DIAPH3: variants seen among roughly 807,000 people sequenced by gnomAD.
DIAPH3 encodes the protein diaphanous related formin 3.
Under a neutral mutation model 144.3 loss-of-function variants are expected in DIAPH3, and 117 were observed. The observed-to-expected ratio is 0.81, with a 90% CI of 0.70 to 0.95. DIAPH3 has a LOEUF of 0.95. Among genes scored for constraint, DIAPH3 ranks in the 40% least tolerant of loss-of-function variants. The pLI, the probability that DIAPH3 is intolerant of heterozygous loss-of-function variation, is 0.00. For synonymous variants in DIAPH3, 519 were observed against 488.9 expected (o/e 1.06, Z -0.81); for missense variants, 1,421 against 1,412.7 (o/e 1.01, Z -0.09).
At chr13:59,961,302 A>C (rs1193918988) in intron 17 of DIAPH3, among the ~76,000 whole-genome samples, 1 of 152,204 alleles carries the variant, frequency 6.6e-6, no homozygotes, top group Non-Finnish European at 1.5e-5. Context: ...TGCATTATAT[A>C]ATCCTCACAA....
intron 27 of DIAPH3, among the ~76,000 whole-genome samples, chr13:59,749,046 T>G (rs1329271840): frequency 1.3e-5 from 2 of 151,510 alleles, no homozygotes; most frequent in Non-Finnish European, 2.9e-5. Context: ...AAGCCCCGTC[T>G]CTACTGAGAG....
At chr13:60,106,642 A>T (rs1040849309) in intron 3 of DIAPH3, among the ~76,000 whole-genome samples, 15 of 152,152 alleles carry the variant, frequency 9.9e-5, no homozygotes, top group Admixed American at 2.6e-4. Flanking sequence ...CATGAGTATT[A>T]TTCTGGCTAT....
intron 24 of DIAPH3, among the ~76,000 whole-genome samples, chr13:59,831,939 C>CT (rs1053116248): frequency 1.3e-5 from 2 of 151,752 alleles, no homozygotes; most frequent in African/African-American, 4.8e-5. Flanking sequence ...ATTCACATTA[C>CT]TTTTTTAAAA....
chr13:59,682,660 T>A (rs1206800622), intron 27 of DIAPH3, among the ~76,000 whole-genome samples: 1 of 152,124 alleles, frequency 6.6e-6, no homozygotes, highest in Non-Finnish European at 1.5e-5. Flanking sequence ...AAACTCTATA[T>A]ATAATACTGC....
At chr13:59,956,127 T>C (rs994063264) in intron 17 of DIAPH3, among the ~76,000 whole-genome samples, 3 of 152,162 alleles carry the variant, frequency 2.0e-5, no homozygotes, top group Non-Finnish European at 2.9e-5. Flanking sequence ...GATGATACAA[T>C]AGAAAAGAAA....
intron 27 of DIAPH3, among the ~76,000 whole-genome samples, chr13:59,684,893 T>C (rs1028240250): frequency 1.3e-5 from 2 of 152,128 alleles, no homozygotes; most frequent in African/African-American, 2.4e-5. Context: ...ATAAATCCTA[T>C]GATGTGTATT....
chr13:59,903,793 T>C (rs2046581811), intron 20 of DIAPH3, among the ~76,000 whole-genome samples: 1 of 152,210 alleles, frequency 6.6e-6, no homozygotes, highest in Non-Finnish European at 1.5e-5. Flanking sequence ...CTATACTTTT[T>C]CCATCCTTTC....
chr13:60,127,563 C>T (rs1030179498), intron 2 of DIAPH3, among the ~76,000 whole-genome samples: 6 of 151,932 alleles, frequency 3.9e-5, no homozygotes, highest in South Asian at 2.1e-4. Context: ...TAATAATAGC[C>T]GAAAACTGGA....
chr13:59,688,674 A>C (rs2033343426), intron 27 of DIAPH3, among the ~76,000 whole-genome samples: 1 of 152,072 alleles, frequency 6.6e-6, no homozygotes, highest in Non-Finnish European at 1.5e-5. Flanking sequence ...AGTGAGGTCC[A>C]CCTAGAGATA....
intron 24 of DIAPH3, among the ~76,000 whole-genome samples, chr13:59,826,363 C>CA (rs1197441867): frequency 1.4e-5 from 2 of 140,012 alleles, no homozygotes; most frequent in East Asian, 2.1e-4. Context: ...GTACAAAAAT[C>CA]ACAAGCATTC....
At chr13:59,764,051 C>T (rs1371576512) in intron 27 of DIAPH3, among the ~76,000 whole-genome samples, 1 of 151,758 alleles carries the variant, frequency 6.6e-6, no homozygotes, top group Non-Finnish European at 1.5e-5. Flanking sequence ...CTTCTGTATG[C>T]TAAGAACTAA....
chr13:59,735,382 T>C (rs572572151), intron 27 of DIAPH3, among the ~76,000 whole-genome samples: 34 of 152,184 alleles, frequency 2.2e-4, no homozygotes, highest in Non-Finnish European at 3.8e-4. Flanking sequence ...ATTTTGAAAG[T>C]CCGTAACACC....
At chr13:59,750,333 G>T (rs937373670) in intron 27 of DIAPH3, among the ~76,000 whole-genome samples, 1 of 151,986 alleles carries the variant, frequency 6.6e-6, no homozygotes, top group East Asian at 1.9e-4. Context: ...ACTTTCAAAG[G>T]GAGGATATAA....
intron 1 of DIAPH3, among the ~76,000 whole-genome samples, chr13:60,140,124 C>A (rs936846738): frequency 2.0e-5 from 3 of 152,162 alleles, no homozygotes; most frequent in Non-Finnish European, 2.9e-5. Flanking sequence ...GGCTTAGCAT[C>A]CTAGACATCT....
chr13:60,148,598 G>GAAAAATGTAATGA (rs1951641668), intron 1 of DIAPH3, among the ~76,000 whole-genome samples: 1 of 152,118 alleles, frequency 6.6e-6, no homozygotes, highest in African/African-American at 2.4e-5. Context: ...GAGATTACTT[G>GAAAAATGTAATGA]GAAAGACTCA....
intron 4 of DIAPH3, among the ~76,000 whole-genome samples, chr13:60,059,331 T>C (rs768438533): frequency 6.6e-6 from 1 of 152,128 alleles, no homozygotes; most frequent in Non-Finnish European, 1.5e-5. Context: ...TGATAATTTA[T>C]CAAGTGGTAT....
intron 9 of DIAPH3, among the ~76,000 whole-genome samples, chr13:60,000,996 A>G (rs1159591386): frequency 6.6e-6 from 1 of 152,162 alleles, no homozygotes; most frequent in Non-Finnish European, 1.5e-5. Context: ...TGTCTGTTGC[A>G]AGACAATTCT....
At chr13:59,845,995 T>C (rs2042609822) in intron 22 of DIAPH3, among the ~76,000 whole-genome samples, 1 of 152,130 alleles carries the variant, frequency 6.6e-6, no homozygotes, top group South Asian at 2.1e-4. Context: ...CAGGAAAATA[T>C]AACAGATTAA....
intron 4 of DIAPH3, among the ~76,000 whole-genome samples, chr13:60,067,727 C>A (rs2057025974): frequency 6.6e-6 from 1 of 152,066 alleles, no homozygotes; most frequent in Non-Finnish European, 1.5e-5. Flanking sequence ...GTTTTCTAAA[C>A]AATTTTTTAA....
Sources: allele counts gnomAD v4.1 joint callset (sites outside exome capture counted in the v4.1 genomes callset), GRCh38; gene constraint gnomAD v4.1.1; transcripts MANE v1.5; gene names NCBI Gene and HGNC (gene_info 2026-07-23, HGNC 2026-07-21).